The following GRTP1 variants were observed in gnomAD, a reference collection of about 807,000 sequenced individuals.
The protein encoded by GRTP1 is growth hormone-regulated TBC protein 1.
A neutral mutation model predicts 38.1 loss-of-function variants in GRTP1; 56 were observed. The ratio of observed to expected loss-of-function variants is 1.47; its 90% CI spans 1.19 to 1.84. The LOEUF is 1.84. Among genes scored for constraint, GRTP1 ranks in the 40% most tolerant of loss-of-function variants. The pLI, the probability that GRTP1 is intolerant of heterozygous loss-of-function variation, is 0.00. For synonymous variants in GRTP1, 217 were observed against 189.5 expected (o/e 1.14, Z -1.19); for missense variants, 506 against 453.9 (o/e 1.11, Z -1.04).
At chr13:113,326,135 C>T (rs1215592822) in intron 5 of GRTP1, 44 bp from the exon 6 acceptor site, 11 of 1,593,850 alleles carry the variant, frequency 6.9e-6, no homozygotes, top group South Asian at 1.1e-5. Context: ...ACTCCCGTCA[C>T]CTCCACAAGC....
intron 4 of GRTP1, among the ~76,000 whole-genome samples, chr13:113,347,560 G>A (rs113355899): frequency 0.21 from 7,726 of 37,038 alleles, 107 homozygotes; most frequent in East Asian, 0.31. Flanking sequence ...CTCTGTGGCA[G>A]AGAGCAGACC....
In GRTP1 at chr13:113,346,371, T is replaced by C. The variant is rs1172249745; in HGVS notation, c.466-1412A>G. Among the ~76,000 whole-genome samples, 9 of 1,348 alleles carry C rather than the reference T, an allele frequency of 6.7e-3. 1 individual carries two copies. The highest frequency in any genetic ancestry group is 0.14 in the South Asian group (2 of 14). The allele number at this position is 1,348 out of a possible 152,430, so 0.9% of individuals were successfully genotyped here. On this transcript the variant is annotated intron_variant, in intron 4 of 7. Transcript: ENST00000375431. ...GCGGACCCAGGAGGACCTCTGTGGC[T>C]GAGAGCGGACCTGGGAGGACCTCTG... is the stretch of plus-strand genomic sequence containing the variant.
intron 5 of GRTP1, among the ~76,000 whole-genome samples, chr13:113,338,594 C>T (rs187584046): frequency 5.3e-4 from 80 of 152,286 alleles, no homozygotes; most frequent in East Asian, 4.1e-3. Flanking sequence ...CTACTTAATC[C>T]CCACCAGTCT....
At chr13:113,352,323 T>C (rs2043292827) in intron 3 of GRTP1, among the ~76,000 whole-genome samples, 1 of 59,888 alleles carries the variant, frequency 1.7e-5, no homozygotes, top group South Asian at 5.4e-4. Context: ...TTTATATATA[T>C]TTTTATATAT....
chr13:113,346,055 C>CCCAGGAGCACCTCTGTGGCTGAGCGGAT (rs2043107126), intron 4 of GRTP1, among the ~76,000 whole-genome samples: 1 of 63,738 alleles, frequency 1.6e-5, no homozygotes, highest in Non-Finnish European at 3.2e-5. Flanking sequence ...CGAGAGCAGA[C>CCCAGGAGCACCTCTGTGGCTGAGCGGAT]CCGGGAGGAC....
intron 4 of GRTP1, among the ~76,000 whole-genome samples, chr13:113,345,948 C>A (rs140695380): frequency 1.4e-4 from 22 of 152,322 alleles, no homozygotes; most frequent in African/African-American, 4.1e-4. Context: ...CTGGGAAGAC[C>A]TCTGTGGCCA....
At chr13:113,340,501 A>G (rs2043011642) in intron 5 of GRTP1, among the ~76,000 whole-genome samples, 1 of 148,752 alleles carries the variant, frequency 6.7e-6, no homozygotes, top group Non-Finnish European at 1.5e-5. Context: ...TAAAATGGCC[A>G]GGCGCTGTAG....
chr13:113,332,836 G>C (rs1459727395), intron 5 of GRTP1, among the ~76,000 whole-genome samples: 1 of 152,194 alleles, frequency 6.6e-6, no homozygotes, highest in Non-Finnish European at 1.5e-5. Context: ...CACATCCACA[G>C]GACTCAGGGG....
chr13:113,354,307 GC>G (rs752501867), intron 3 of GRTP1, among the ~76,000 whole-genome samples: 1 of 152,040 alleles, frequency 6.6e-6, no homozygotes, highest in Non-Finnish European at 1.5e-5. Context: ...AGCCTTGGGA[GC>G]CCCCTCCCCA....
chr13:113,355,133 G>A, intron 3 of GRTP1, 190 bp downstream of exon 3: 2 of 588,442 alleles, frequency 3.4e-6, no homozygotes, highest in Non-Finnish European at 5.9e-6. Flanking sequence ...TATCTGCTGA[G>A]TGAATTACGA....
In GRTP1 at chr13:113,350,979, G is replaced by T. The variant is rs1473103880; in HGVS notation, c.341-6C>A. The T allele has an allele frequency of 1.2e-6, 2 of 1,613,566 alleles. No homozygotes were observed. The highest frequency in any genetic ancestry group is 2.7e-5 in the African/African-American group (2 of 74,916). ...GGGGAAGGTCCGGTTCAGGTCTGTG[G>T]GAAATTCAGAAGGAATCACCCACGG... On this transcript the variant is annotated splice_polypyrimidine_tract_variant and splice_region_variant and intron_variant, in intron 3 of 7. Coordinates refer to ENST00000375431, the MANE Select transcript of GRTP1 (RefSeq NM_024719.4).
At chr13:113,363,722 A>ACCTGCGCCCTCGGGACCCT in intron 2 of GRTP1, 40 bp downstream of exon 2, 1 of 1,559,636 alleles carries the variant, frequency 6.4e-7, no homozygotes, top group Non-Finnish European at 8.7e-7. Flanking sequence ...AGCCCAACCC[A>ACCTGCGCCCTCGGGACCCT]CCTGCGCCCT....
chr13:113,327,449 A>T (rs937867741), intron 5 of GRTP1, among the ~76,000 whole-genome samples: 1 of 151,822 alleles, frequency 6.6e-6, no homozygotes. Flanking sequence ...AAGTGCTGGG[A>T]TTACAGGCGT....
chr13:113,327,540 C>T (rs572337257), intron 5 of GRTP1, among the ~76,000 whole-genome samples: 9 of 152,362 alleles, frequency 5.9e-5, no homozygotes, highest in Non-Finnish European at 1.2e-4. Flanking sequence ...CGCAACATCA[C>T]GGTCCTGTCA....
chr13:113,324,739 C>T, intron 7 of GRTP1, 162 bp from the exon 8 acceptor site: 1 of 1,413,760 alleles, frequency 7.1e-7, no homozygotes. Flanking sequence ...CCATCTCACT[C>T]CTGCCCTGGG....
At chr13:113,338,906 AGAT>A (rs1475407436) in intron 5 of GRTP1, among the ~76,000 whole-genome samples, 6 of 120,952 alleles carry the variant, frequency 5.0e-5, no homozygotes, top group African/African-American at 1.4e-4. Flanking sequence ...TTTTCTGCTT[AGAT>A]TTTTTTTTTT....
chr13:113,356,329 G>A (rs1423857031), intron 2 of GRTP1, among the ~76,000 whole-genome samples: 1 of 151,984 alleles, frequency 6.6e-6, no homozygotes, highest in Non-Finnish European at 1.5e-5. Context: ...GTGCAGTGGT[G>A]CAATCTTGGC....
chr13:113,333,473 C>A (rs1283165520), intron 5 of GRTP1, among the ~76,000 whole-genome samples: 1 of 152,138 alleles, frequency 6.6e-6, no homozygotes, highest in Non-Finnish European at 1.5e-5. Flanking sequence ...ACAAAGATTT[C>A]TCTTCAGTGC....
At position 113,342,400 on chromosome 13, in the gene GRTP1, C is replaced by T. The variant is rs944105045; in HGVS notation, c.562+2463G>A. ...GCGGGCGCCTGTAGTCCCAGCTACT[C>T]GGGAGGCTGAGGCAGGAGAATGGCG... On this transcript the variant is annotated intron_variant, in intron 5 of 7. Transcript: ENST00000375431. The surrounding 1 kb of genome is among the most constrained non-coding windows in gnomAD (Gnocchi z 4.5). Among the ~76,000 whole-genome samples, 1 of 151,636 alleles carries T rather than the reference C, an allele frequency of 6.6e-6. No individual in the cohort carries two copies. Among genetic ancestry groups the T allele is most frequent in the Non-Finnish European group, 1.5e-5 (1 of 67,926 alleles).
Sources: gnomAD v4.1 joint callset for allele counts (sites outside exome capture counted in the v4.1 genomes callset) on GRCh38, gnomAD v4.1.1 for gene constraint, Gnocchi (gnomAD v3.1) non-coding constraint, MANE v1.5 for transcripts, NCBI Gene and HGNC (gene_info 2026-07-23, HGNC 2026-07-21) for gene names.